Variants in SIM1 observed in about 807,000 individuals in gnomAD.
The protein encoded by SIM1 is SIM bHLH transcription factor 1.
In SIM1, 18 loss-of-function variants were observed where a neutral mutation model predicts 78.2. That is an observed-to-expected ratio of 0.23 (90% CI 0.16 to 0.34). The LOEUF (loss-of-function observed/expected upper bound fraction) is 0.34. Among genes scored for constraint, SIM1 ranks in the 10% least tolerant of loss-of-function variants. The probability of loss-of-function intolerance (pLI) is 1.00; values close to 1 mark genes in which losing one functional copy is unlikely to be tolerated. For missense variants in SIM1, 939 were observed against 975.1 expected (o/e 0.96, Z 0.49); for synonymous variants, 417 against 385.2 (o/e 1.08, Z -0.97).
chr6:100,460,447 T>C (rs1024316578), intron 2 of SIM1, among the ~76,000 whole-genome samples: 3 of 152,250 alleles, frequency 2.0e-5, no homozygotes, highest in Non-Finnish European at 2.9e-5. Context: ...TTTATACCTA[T>C]AGCTATGTCA....
At chr6:100,461,434 G>T (rs902839061) in intron 2 of SIM1, among the ~76,000 whole-genome samples, 1 of 152,266 alleles carries the variant, frequency 6.6e-6, no homozygotes, top group East Asian at 1.9e-4. Flanking sequence ...CTCGGTGCCC[G>T]CCCCAGAACG....
At position 100,390,473 on chromosome 6, in the gene SIM1, T is replaced by G. The variant is rs768810300; in HGVS notation, c.2189A>C (p.Tyr730Ser). 1 of 1,614,186 alleles carries G rather than the reference T, an allele frequency of 6.2e-7. No homozygotes were observed. The highest frequency in any genetic ancestry group is 1.1e-5 in the South Asian group (1 of 91,082). The change falls in exon 12 of 12, where the codon TAT becomes TCT. Residue 730 changes from tyrosine (Y) to serine (S), a missense_variant. By Grantham distance (144) the Tyr-to-Ser change is moderately radical. Coordinates refer to ENST00000369208, the MANE Select transcript of SIM1 (RefSeq NM_005068.3). Reference sequence around the variant, plus strand: ...GTGTGAGCCATTACAGCCCAAGGAATAGTTTCTAATGGTTTCGCTGTCATA... The same window carrying G: ...GTGTGAGCCATTACAGCCCAAGGAAGAGTTTCTAATGGTTTCGCTGTCATA... ...HLYDSETIRN[Y>S]SLGCNGSHFD... is the part of the protein sequence containing the mutation.
chr6:100,444,251 T>C (rs1476281237), intron 9 of SIM1, among the ~76,000 whole-genome samples: 1 of 152,114 alleles, frequency 6.6e-6, no homozygotes, highest in Non-Finnish European at 1.5e-5. Flanking sequence ...ATTCTGGACT[T>C]TCCCCGACAT....
Position 100,449,601 on chromosome 6 carries a change from G to A in SIM1, c.447C>T (p.His149=), listed in dbSNP as rs375357424. The change falls in exon 5 of 12, where the codon CAC becomes CAT. Residue 149 remains histidine, a synonymous_variant. Transcript: ENST00000369208. The part of the protein sequence containing the change: ...VLTAHQPYHS[H]FVQEYEIERS... ...ATGTGTCTACCTTACCCTGCACGAA[G>A]TGAGAGTGGTAGGGTTGATGGGCGG... The A allele has an allele frequency of 4.3e-6, 7 of 1,613,568 alleles. No individual in the cohort carries two copies. In the African/African-American group the frequency reaches 8.0e-5, roughly 18 times the overall value.
intron 3 of SIM1, among the ~76,000 whole-genome samples, chr6:100,451,817 G>A (rs935013631): frequency 8.5e-5 from 13 of 152,172 alleles, no homozygotes; most frequent in African/African-American, 3.1e-4. Context: ...TTCTGGGGGA[G>A]GGAGATAATG....
intron 2 of SIM1, among the ~76,000 whole-genome samples, chr6:100,461,110 C>T (rs1249239232): frequency 6.6e-6 from 1 of 152,134 alleles, no homozygotes; most frequent in Non-Finnish European, 1.5e-5. Context: ...GCAGAAAGCA[C>T]AGTCACTGTT....
intron 9 of SIM1, among the ~76,000 whole-genome samples, chr6:100,435,024 T>A (rs1382217838): frequency 6.6e-6 from 1 of 152,180 alleles, no homozygotes; most frequent in East Asian, 1.9e-4. Context: ...AATAAAATAA[T>A]TTTCTGTGGG....
Position 100,450,350 on chromosome 6 carries a change from C to T in SIM1, c.265G>A (p.Asp89Asn), listed in dbSNP as rs1409902328. ...ELGSHLLQTLDGFIFVVAPDG... is the reference protein window; with the variant it reads ...ELGSHLLQTLNGFIFVVAPDG... ...GGGGCTACCACGAAGATGAAGCCATCCAGGGTCTGGGGAGGCACAAATAGA... is the reference window on the plus strand; with the variant it reads ...GGGGCTACCACGAAGATGAAGCCATTCAGGGTCTGGGGAGGCACAAATAGA... Residue 89 changes from aspartate (D) to asparagine (N), a missense_variant, in exon 4 of 12, where the codon GAT becomes AAT. This residue lies in a region of SIM1 where 121 missense variants were observed against 124.6 expected (regional missense o/e 0.97). Coordinates refer to ENST00000369208, the MANE Select transcript of SIM1 (RefSeq NM_005068.3). The T allele has an allele frequency of 6.2e-7, 1 of 1,613,926 alleles. No homozygotes were observed.
rs540193093 is a variant in SIM1 at position 100,456,013 on chromosome 6, A to C, written c.176-2169T>G. Among the ~76,000 whole-genome samples the C allele has an allele frequency of 6.6e-4, 100 of 152,282 alleles. 1 individual carries two copies. The highest frequency in any genetic ancestry group is 1.4e-3 in the Non-Finnish European group (93 of 68,014). On this transcript the variant is annotated intron_variant, in intron 2 of 11. Coordinates refer to ENST00000369208, the MANE Select transcript of SIM1 (RefSeq NM_005068.3). ...GGTTAATAAACAACCTGTCCGGCAC[A>C]GGTTAACAGGAGCCTCTCTCGCCCT... is the stretch of plus-strand genomic sequence containing the variant.
In SIM1 at chr6:100,464,790, A is replaced by G. The variant is rs909198987; in HGVS notation, c.-644T>C. The G allele has an allele frequency of 6.6e-6, 1 of 152,310 alleles. No homozygotes were observed. The highest frequency in any genetic ancestry group is 2.4e-5 in the African/African-American group (1 of 41,440). The allele number at this position is 152,310 out of a possible 1,614,324, so 9.4% of individuals were successfully genotyped here. On this transcript the variant is annotated 5_prime_UTR_variant, in exon 1 of 12. Coordinates refer to ENST00000369208, the MANE Select transcript of SIM1 (RefSeq NM_005068.3). ...ATTGGAGGAGGGGTGCGTGGCAGAA[A>G]GAGGAGGATGCAAGCTTTGGGACGA...
intron 10 of SIM1, among the ~76,000 whole-genome samples, chr6:100,405,745 A>T (rs1771037231): frequency 6.6e-6 from 1 of 152,152 alleles, no homozygotes; most frequent in African/African-American, 2.4e-5. Context: ...CCCCAAAAAA[A>T]GTTACAAAAA....
At chr6:100,401,583 A>C (rs1770917005) in intron 10 of SIM1, among the ~76,000 whole-genome samples, 1 of 152,096 alleles carries the variant, frequency 6.6e-6, no homozygotes, top group Admixed American at 6.5e-5. Context: ...AAAATAAATA[A>C]TAATGAGGGC....
chr6:100,455,934 C>T (rs183901735), intron 2 of SIM1, among the ~76,000 whole-genome samples: 3 of 152,160 alleles, frequency 2.0e-5, no homozygotes, highest in Non-Finnish European at 2.9e-5. Flanking sequence ...TTTGTTGTTT[C>T]GGGTTTCGGC....
chr6:100,412,535 T>A (rs76219934), intron 10 of SIM1, among the ~76,000 whole-genome samples: 6,549 of 85,666 alleles, frequency 0.076, 451 homozygotes, highest in East Asian at 0.32. Flanking sequence ...AGACTCTGTC[T>A]AAGAAAGAAA....
chr6:100,448,672 G>A lies in SIM1; in HGVS notation c.550C>T (p.His184Tyr), dbSNP rs1772429098. 2 of 1,610,462 alleles carry A rather than the reference G, an allele frequency of 1.2e-6. No individual in the cohort carries two copies. Among genetic ancestry groups the A allele is most frequent in the Non-Finnish European group, 1.7e-6 (2 of 1,179,888 alleles). The stretch of plus-strand genomic sequence containing the variant: ...CGGATCTTCAAGTAGCCGCTGCAGT[G>A]GATGACCTGAGGCAGAGGGATAGGG... The part of the protein sequence containing the change: ...GLTCGGYKVI[H>Y]CSGYLKIRQY... The change falls in exon 7 of 12, where the codon CAC (histidine) becomes TAC (tyrosine). Residue 184 changes from histidine to tyrosine, a missense_variant. Around this residue, in one of 5 missense-constraint regions of SIM1, gnomAD observed 187 missense variants for 191.6 expected, o/e 0.98. Coordinates refer to ENST00000369208, the MANE Select transcript of SIM1 (RefSeq NM_005068.3).
chr6:100,451,032 C>T (rs902269816), intron 3 of SIM1, among the ~76,000 whole-genome samples: 3 of 152,154 alleles, frequency 2.0e-5, no homozygotes, highest in African/African-American at 7.2e-5. Context: ...AGTCTTAAGA[C>T]TTTCACTGTC....
chr6:100,453,326 C>T (rs1249030292), intron 3 of SIM1, among the ~76,000 whole-genome samples: 6 of 152,210 alleles, frequency 3.9e-5, no homozygotes, highest in Admixed American at 3.3e-4. Context: ...ATTGGAAAGA[C>T]GTGGGCTTAA....
At chr6:100,464,427 C>A (rs1041483286) in intron 1 of SIM1, among the ~76,000 whole-genome samples, 187 bp downstream of exon 1, 1 of 152,194 alleles carries the variant, frequency 6.6e-6, no homozygotes, top group African/African-American at 2.4e-5. Context: ...CCAAGGCGAC[C>A]CAGCGCTCTG....
chr6:100,449,463 C>T lies in SIM1; in HGVS notation c.458-15G>A, dbSNP rs148051085. 1.9e-6 allele frequency: 3 copies of T among 1,610,654 alleles called. No individual in the cohort carries two copies. The highest frequency in any genetic ancestry group is 2.5e-6 in the Non-Finnish European group (3 of 1,176,968). On this transcript the variant is annotated splice_polypyrimidine_tract_variant and intron_variant, in intron 5 of 11. Transcript: ENST00000369208. ...GATCTCATACTCTGGGAGAGAGGAACGAAGGGAAGCTCAGGTCGTGTGACA... is the reference window on the plus strand; with the variant it reads ...GATCTCATACTCTGGGAGAGAGGAATGAAGGGAAGCTCAGGTCGTGTGACA...
Sources: allele counts gnomAD v4.1 joint callset (sites outside exome capture counted in the v4.1 genomes callset), GRCh38; gene constraint gnomAD v4.1.1; regional missense constraint gnomAD v4.1.1; transcripts MANE v1.5; gene names NCBI Gene and HGNC (gene_info 2026-07-23, HGNC 2026-07-21).